FNIP2: variants seen among roughly 807,000 people sequenced by gnomAD.
FNIP2 encodes folliculin-interacting protein 2.
FNIP2 carries 32 observed loss-of-function variants against 108.7 expected under a neutral mutation model. The observed-to-expected ratio is 0.29, with a 90% confidence interval of 0.22 to 0.40. FNIP2 has a LOEUF of 0.40. FNIP2 is among the 10% of genes least tolerant of loss of function. The pLI is 1.00. For missense variants in FNIP2, 1,202 were observed against 1,381.6 expected (o/e 0.87, Z 2.06); for synonymous variants, 480 against 496.7 (o/e 0.97, Z 0.45).
intron 16 of FNIP2, among the ~76,000 whole-genome samples, chr4:158,897,926 G>C (rs1782838913): frequency 6.6e-6 from 1 of 152,174 alleles, no homozygotes; most frequent in Non-Finnish European, 1.5e-5. Context: ...GCCTATGCCT[G>C]AATGGTATTG....
chr4:158,781,909 A>T (rs562036573), intron 1 of FNIP2, among the ~76,000 whole-genome samples: 249 of 151,626 alleles, frequency 1.6e-3, no homozygotes, highest in African/African-American at 5.6e-3. Context: ...TCTTTTTTTT[A>T]ATCTGTAAAA....
At chr4:158,787,359 G>A (rs1465098342) in intron 1 of FNIP2, among the ~76,000 whole-genome samples, 2 of 152,150 alleles carry the variant, frequency 1.3e-5, no homozygotes, top group Non-Finnish European at 2.9e-5. Flanking sequence ...GGTGCATACT[G>A]GTTAAACGTG....
intron 1 of FNIP2, among the ~76,000 whole-genome samples, chr4:158,817,762 G>T (rs1482276748): frequency 6.6e-6 from 1 of 152,120 alleles, no homozygotes; most frequent in Non-Finnish European, 1.5e-5. Context: ...TGGCCATGCT[G>T]GTCTCAGACT....
chr4:158,887,457 C>G (rs1782076181), intron 14 of FNIP2, among the ~76,000 whole-genome samples: 1 of 152,180 alleles, frequency 6.6e-6, no homozygotes, highest in Non-Finnish European at 1.5e-5. Context: ...GTCTTCCCAG[C>G]CAGGCACGGT....
intron 2 of FNIP2, among the ~76,000 whole-genome samples, chr4:158,827,583 T>C (rs1778228749): frequency 6.6e-6 from 1 of 152,190 alleles, no homozygotes; most frequent in Admixed American, 6.5e-5. Flanking sequence ...TGTTCAGCAT[T>C]GTACTCCAGC....
intron 1 of FNIP2, among the ~76,000 whole-genome samples, chr4:158,803,292 A>G (rs1776822037): frequency 2.6e-5 from 4 of 152,224 alleles, no homozygotes; most frequent in Admixed American, 2.0e-4. Flanking sequence ...TGTAATATGC[A>G]TAGTATTTAA....
intron 1 of FNIP2, among the ~76,000 whole-genome samples, chr4:158,784,355 A>G (rs1401229788): frequency 6.6e-6 from 1 of 152,180 alleles, no homozygotes; most frequent in African/African-American, 2.4e-5. Flanking sequence ...TGCTCCCTTT[A>G]AACCAGTGGT....
intron 1 of FNIP2, among the ~76,000 whole-genome samples, chr4:158,814,161 C>T (rs1373760646): frequency 6.6e-6 from 1 of 152,182 alleles, no homozygotes. Flanking sequence ...GGTTTTTACA[C>T]CTCAGAAGGA....
intron 1 of FNIP2, among the ~76,000 whole-genome samples, chr4:158,822,040 A>G (rs1238205798): frequency 6.6e-6 from 1 of 152,102 alleles, no homozygotes; most frequent in Non-Finnish European, 1.5e-5. Context: ...GTGAACCGAG[A>G]TGGCGCCACT....
At chr4:158,900,158 A>G (rs1231233198) in intron 16 of FNIP2, among the ~76,000 whole-genome samples, 1 of 152,146 alleles carries the variant, frequency 6.6e-6, no homozygotes, top group African/African-American at 2.4e-5. Flanking sequence ...TGTGGTTTTG[A>G]GTGAGTTTCT....
rs150833667 is a variant in FNIP2 at position 158,850,934 on chromosome 4, C to T, written c.728-387C>T. Among the ~76,000 whole-genome samples, 1,072 of 151,956 alleles carry T rather than the reference C, an allele frequency of 7.1e-3. 10 individuals carry two copies. Among genetic ancestry groups the T allele is most frequent in the African/African-American group, 0.024 (985 of 41,414 alleles). On this transcript the variant is annotated intron_variant, in intron 7 of 16. Transcript: ENST00000264433. ...CTTGCTACATCTGTGACTCTTATTT[C>T]GTTTAATTTGTGTTCCTTTTTAAAG...
chr4:158,792,680 T>C (rs746421542), intron 1 of FNIP2, among the ~76,000 whole-genome samples: 1 of 152,222 alleles, frequency 6.6e-6, no homozygotes, highest in Non-Finnish European at 1.5e-5. Context: ...CCTAACCCTT[T>C]ATTTCCCCCT....
chr4:158,862,289 C>G (rs1400800898), intron 12 of FNIP2, among the ~76,000 whole-genome samples: 1 of 152,206 alleles, frequency 6.6e-6, no homozygotes, highest in Non-Finnish European at 1.5e-5. Context: ...AAAGCTGACA[C>G]TGTGAGCCAA....
At chr4:158,816,153 A>G (rs1260432200) in intron 1 of FNIP2, among the ~76,000 whole-genome samples, 1 of 152,136 alleles carries the variant, frequency 6.6e-6, no homozygotes, top group Admixed American at 6.5e-5. Flanking sequence ...TTGTCTATTT[A>G]TTTTGGTTCT....
intron 15 of FNIP2, 149 bp downstream of exon 15, chr4:158,891,795 G>A (rs1291173353): frequency 6.5e-6 from 5 of 763,772 alleles, no homozygotes; most frequent in Admixed American, 2.8e-5. Context: ...CATAAAACTC[G>A]CAACAGGATA....
chr4:158,833,764 A>G lies in FNIP2; in HGVS notation c.655+136A>G, dbSNP rs1298808073. 10 of 1,477,700 alleles carry G rather than the reference A, an allele frequency of 6.8e-6. No individual in the cohort carries two copies. In the South Asian group the frequency reaches 9.8e-5, roughly 14 times the overall value. The allele number at this position is 1,477,700 out of a possible 1,614,324, so 91.5% of individuals were successfully genotyped here. On this transcript the variant is annotated intron_variant, in intron 6 of 16. Transcript: ENST00000264433. ...CTGTGTTTATTTTTTTTGTATGTGT[A>G]CTTTGTTTGCCCTCTTCTATGTGTT...
Position 158,875,515 on chromosome 4 carries a change from G to GAT in FNIP2, c.2949+5071_2949+5072dup, listed in dbSNP as rs56389652. Among the ~76,000 whole-genome samples, 673 of 111,980 alleles carry GAT rather than the reference G, an allele frequency of 6.0e-3. 40 individuals are homozygous for GAT. Among genetic ancestry groups the GAT allele is most frequent in the Middle Eastern group, 0.035 (8 of 230 alleles). The allele number at this position is 111,980 out of a possible 152,430, so 73.5% of individuals were successfully genotyped here. ...AGAGCTTTGCTAAAAGCCTGGCTGTGATATATATATATATATATATATATA... is the reference window on the plus strand; with the variant it reads ...AGAGCTTTGCTAAAAGCCTGGCTGTGATATATATATATATATATATATATATA... On this transcript the variant is annotated intron_variant, in intron 14 of 16. Coordinates refer to ENST00000264433, the MANE Select transcript of FNIP2 (RefSeq NM_020840.3).
At chr4:158,902,860 C>T (rs182435686) in intron 16 of FNIP2, among the ~76,000 whole-genome samples, 34 of 152,288 alleles carry the variant, frequency 2.2e-4, no homozygotes, top group African/African-American at 6.7e-4. Flanking sequence ...CGTCCCAGGT[C>T]GACCTCAGAC....
At position 158,830,324 on chromosome 4, in the gene FNIP2, G is replaced by T. The variant is rs578151754; in HGVS notation, c.381+1099G>T. 3.6e-5 allele frequency among the ~76,000 whole-genome samples: 5 copies of T among 137,324 alleles called. No homozygotes were observed. In the Admixed American group the frequency reaches 4.0e-4, roughly 11 times the overall value. 90.1% of individuals were successfully genotyped at this position (137,324 alleles called of 152,430 possible). A position where few individuals can be genotyped will look rare whatever the true frequency, so the allele number is the denominator to read the frequency against. On this transcript the variant is annotated intron_variant, in intron 3 of 16. Transcript: ENST00000264433. ...AGGCCGGACTGCGGACTGCAGTGGC[G>T]CAATCTCGGCTCACTGCAAGCTCCG...
Sources: gnomAD v4.1 joint callset for allele counts (sites outside exome capture counted in the v4.1 genomes callset) on GRCh38, gnomAD v4.1.1 for gene constraint, MANE v1.5 for transcripts, NCBI Gene and HGNC (gene_info 2026-07-23, HGNC 2026-07-21) for gene names.